TAF12: variants seen among roughly 807,000 people sequenced by gnomAD.
TAF12 encodes TATA-box binding protein associated factor 12.
Under a neutral mutation model 20.8 loss-of-function variants are expected in TAF12, and 3 were observed. The ratio of observed to expected loss-of-function variants is 0.14; its 90% CI spans 0.07 to 0.37. The LOEUF is 0.37. Among genes scored for constraint, TAF12 ranks in the 10% least tolerant of loss-of-function variants. The probability of loss-of-function intolerance (pLI) is 1.00; values close to 1 mark genes in which losing one functional copy is unlikely to be tolerated. For synonymous variants in TAF12, 69 were observed against 70.2 expected (o/e 0.98, Z 0.09); for missense variants, 131 against 197.9 (o/e 0.66, Z 2.03).
intron 1 of TAF12, among the ~76,000 whole-genome samples, chr1:28,628,859 G>T (rs1180929274): frequency 6.6e-6 from 1 of 152,200 alleles, no homozygotes; most frequent in Non-Finnish European, 1.5e-5. Flanking sequence ...GATCACCTGA[G>T]GTTGGGAGTT....
chr1:28,633,431 G>A (rs1158181547), intron 1 of TAF12, among the ~76,000 whole-genome samples: 3 of 150,344 alleles, frequency 2.0e-5, no homozygotes, highest in African/African-American at 7.3e-5. Flanking sequence ...GCCTCCCAAA[G>A]TGCTGGGATT....
At chr1:28,613,100 T>G in intron 4 of TAF12, 147 bp downstream of exon 4, 1 of 580,264 alleles carries the variant, frequency 1.7e-6, no homozygotes, top group Non-Finnish European at 2.8e-6. Context: ...ATTTCTCTTT[T>G]CTATTTGGTG....
At chr1:28,643,239 C>T, upstream of TAF12, 1 of 422,892 alleles carries the variant, frequency 2.4e-6, no homozygotes, top group African/African-American at 2.1e-5. Flanking sequence ...GCGCTTTTAA[C>T]TGCTTGTGGT....
At chr1:28,647,484 CTA>C (rs974173688), upstream of TAF12, among the ~76,000 whole-genome samples, 2 of 151,912 alleles carry the variant, frequency 1.3e-5, no homozygotes, top group African/African-American at 4.8e-5. Flanking sequence ...GACGAGGTCT[CTA>C]TATGTTGCCC....
intron 4 of TAF12, among the ~76,000 whole-genome samples, chr1:28,612,600 G>A (rs183016452): frequency 6.7e-6 from 1 of 148,612 alleles, no homozygotes; most frequent in African/African-American, 2.5e-5. Flanking sequence ...CATAGTTATA[G>A]ACTGATCTCT....
chr1:28,619,483 G>A (rs1384890389), intron 2 of TAF12, among the ~76,000 whole-genome samples: 5 of 145,316 alleles, frequency 3.4e-5, no homozygotes, highest in Non-Finnish European at 6.0e-5. Flanking sequence ...GGGCAACAGA[G>A]TGAGACTCCA....
At position 28,643,037 on chromosome 1, in the gene TAF12, T is replaced by C. The variant is rs183112014; in HGVS notation, c.-130A>G. The C allele has an allele frequency of 1.4e-3, 1,425 of 985,878 alleles. 2 individuals carry two copies. Among genetic ancestry groups the C allele is most frequent in the Non-Finnish European group, 1.5e-3 (1,245 of 829,950 alleles). The allele number at this position is 985,878 out of a possible 1,614,324, so 61.1% of individuals were successfully genotyped here. ...CCATGATATGCAGAGACTGCCCCAGTGAAGCGTTCGTCTCAGCAGCCGGTC... is the reference window on the plus strand; with the variant it reads ...CCATGATATGCAGAGACTGCCCCAGCGAAGCGTTCGTCTCAGCAGCCGGTC... On this transcript the variant is annotated 5_prime_UTR_variant, in exon 1 of 6. Coordinates refer to ENST00000373824, the MANE Select transcript of TAF12 (RefSeq NM_005644.4).
At chr1:28,609,385 T>G (rs1666780330) in intron 4 of TAF12, among the ~76,000 whole-genome samples, 1 of 150,298 alleles carries the variant, frequency 6.7e-6, no homozygotes, top group South Asian at 2.1e-4. Context: ...CTATATAATC[T>G]TAATATAATA....
At chr1:28,611,930 T>C (rs1471100576) in intron 4 of TAF12, among the ~76,000 whole-genome samples, 1 of 152,168 alleles carries the variant, frequency 6.6e-6, no homozygotes, top group Non-Finnish European at 1.5e-5. Context: ...ACTGTTATTG[T>C]GCTAAACCAC....
rs199614348 is a variant in TAF12 at position 28,621,894 on chromosome 1, A to G, written c.168+20T>C. On this transcript the variant is annotated intron_variant, in intron 2 of 5. Coordinates refer to ENST00000373824, the MANE Select transcript of TAF12 (RefSeq NM_005644.4). The stretch of plus-strand genomic sequence containing the variant: ...TAGGTAAGAAGTGGCTACAGAGAAG[A>G]AAGAGTAAGAGGATGATACCTGATT... 52 of 1,609,290 alleles carry G rather than the reference A, an allele frequency of 3.2e-5. No individual in the cohort carries two copies. In the East Asian group the frequency reaches 1.1e-3, roughly 35 times the overall value.
chr1:28,639,144 G>A (rs554528258), intron 1 of TAF12, among the ~76,000 whole-genome samples: 116 of 150,368 alleles, frequency 7.7e-4, no homozygotes, highest in Non-Finnish European at 1.4e-3. Context: ...GTGTGATCTC[G>A]GCTCACTGCA....
chr1:28,626,153 A>G (rs1304596951), intron 1 of TAF12, among the ~76,000 whole-genome samples: 1 of 151,070 alleles, frequency 6.6e-6, no homozygotes, highest in Non-Finnish European at 1.5e-5. Flanking sequence ...AGATTTTTGT[A>G]TTTTTAGTAG....
At chr1:28,629,747 AATC>A (rs1667556336) in intron 1 of TAF12, among the ~76,000 whole-genome samples, 1 of 150,168 alleles carries the variant, frequency 6.7e-6, no homozygotes, top group African/African-American at 2.5e-5. Context: ...CTCAAGCAAT[AATC>A]TTGCATCAGC....
At chr1:28,607,625 C>T (rs1281412928) in intron 4 of TAF12, among the ~76,000 whole-genome samples, 8 of 151,584 alleles carry the variant, frequency 5.3e-5, no homozygotes, top group Non-Finnish European at 1.5e-5. Context: ...TGAGCTGAGA[C>T]GGCACCACTG....
intron 1 of TAF12, chr1:28,624,045 C>T: frequency 2.4e-5 from 24 of 984,786 alleles, no homozygotes; most frequent in Non-Finnish European, 2.9e-5. Context: ...AAATGAACAA[C>T]TGGCATCAAG....
intron 1 of TAF12, among the ~76,000 whole-genome samples, chr1:28,629,814 T>A (rs1481328224): frequency 6.6e-6 from 1 of 151,826 alleles, no homozygotes; most frequent in East Asian, 1.9e-4. Context: ...ATTTTTCTAT[T>A]TTTTTTTAAA....
chr1:28,616,270 C>G (rs945832826), intron 3 of TAF12, among the ~76,000 whole-genome samples: 2 of 151,302 alleles, frequency 1.3e-5, no homozygotes, highest in African/African-American at 4.9e-5. Flanking sequence ...GTGGTGTGCA[C>G]CTGTAATCCC....
chr1:28,647,644 C>T (rs1294040640), upstream of TAF12, among the ~76,000 whole-genome samples: 2 of 152,146 alleles, frequency 1.3e-5, no homozygotes, highest in Admixed American at 6.6e-5. Flanking sequence ...GAGGCTGAGG[C>T]GGGCGGATCA....
chr1:28,639,607 T>G (rs1667967678), intron 1 of TAF12, among the ~76,000 whole-genome samples: 2 of 152,048 alleles, frequency 1.3e-5, no homozygotes, highest in African/African-American at 4.8e-5. Context: ...AGGAATAAAT[T>G]ATCATTAATT....
Sources: allele counts gnomAD v4.1 joint callset (sites outside exome capture counted in the v4.1 genomes callset), GRCh38; gene constraint gnomAD v4.1.1; transcripts MANE v1.5; gene names NCBI Gene and HGNC (gene_info 2026-07-23, HGNC 2026-07-21).